THSD4: variants seen among roughly 807,000 people sequenced by gnomAD.
THSD4 encodes thrombospondin type-1 domain-containing protein 4.
THSD4 carries 69 observed loss-of-function variants against 119.0 expected under a neutral mutation model. The observed-to-expected ratio is 0.58, with a 90% CI of 0.48 to 0.71. The LOEUF is 0.71. THSD4 is among the 30% of genes least tolerant of loss of function. The pLI, the probability that THSD4 is intolerant of heterozygous loss-of-function variation, is 0.00. For synonymous variants in THSD4, 524 were observed against 540.4 expected (o/e 0.97, Z 0.42); for missense variants, 1,393 against 1,391.1 (o/e 1.00, Z -0.02).
intron 7 of THSD4, among the ~76,000 whole-genome samples, chr15:71,641,352 A>G (rs1041258345): frequency 6.6e-6 from 1 of 151,520 alleles, no homozygotes; most frequent in Non-Finnish European, 1.5e-5. Context: ...GAAGTTTCCA[A>G]TGTGGGGGCT....
intron 1 of THSD4, among the ~76,000 whole-genome samples, chr15:71,140,421 G>A (rs908536790): frequency 3.3e-5 from 5 of 152,074 alleles, no homozygotes; most frequent in Non-Finnish European, 7.4e-5. Flanking sequence ...CTAATAGAGT[G>A]AGAACTCACT....
At chr15:71,366,957 C>T (rs1337256315) in intron 6 of THSD4, among the ~76,000 whole-genome samples, 1 of 152,206 alleles carries the variant, frequency 6.6e-6, no homozygotes, top group Non-Finnish European at 1.5e-5. Flanking sequence ...AATGCCAGCA[C>T]AGCTCTCTCC....
At chr15:71,251,154 A>G (rs1211970520) in intron 5 of THSD4, among the ~76,000 whole-genome samples, 2 of 152,196 alleles carry the variant, frequency 1.3e-5, no homozygotes, top group Non-Finnish European at 2.9e-5. Flanking sequence ...AAAATGTGCA[A>G]GATAACTGGA....
intron 6 of THSD4, among the ~76,000 whole-genome samples, chr15:71,381,087 G>A (rs1315463339): frequency 2.0e-5 from 3 of 152,074 alleles, no homozygotes; most frequent in Admixed American, 6.6e-5. Flanking sequence ...AGCAAGCTTA[G>A]AATAGTCACC....
chr15:71,549,358 G>A (rs2048891462), intron 7 of THSD4, among the ~76,000 whole-genome samples: 1 of 152,052 alleles, frequency 6.6e-6, no homozygotes, highest in African/African-American at 2.4e-5. Flanking sequence ...GTGTGCATGT[G>A]TGTGCATGCG....
At chr15:71,675,554 G>A (rs72742771) in intron 8 of THSD4, among the ~76,000 whole-genome samples, 23,887 of 152,042 alleles carry the variant, frequency 0.16, 2,122 homozygotes, top group East Asian at 0.36. Context: ...AGCCCGTGTG[G>A]GGGTTCTGTG....
At chr15:71,498,859 C>CTTTTTTTTTT (rs56282942) in intron 7 of THSD4, among the ~76,000 whole-genome samples, 1 of 121,352 alleles carries the variant, frequency 8.2e-6, no homozygotes. Context: ...CCACATTGTA[C>CTTTTTTTTTT]TTTTTTTTTT....
Position 71,673,934 on chromosome 15 carries a change from T to C in THSD4, c.1357+13200T>C, listed in dbSNP as rs572481479. 7.4e-4 allele frequency among the ~76,000 whole-genome samples: 112 copies of C among 152,314 alleles called. No homozygotes were observed. The South Asian group carries it at 9.3e-3, about 13-fold the overall frequency. ...ACCACGGCTGGCCATATACTTTTCT[T>C]CTTAGACATCAAAAGCCTACCTGAT... On this transcript the variant is annotated intron_variant, in intron 8 of 17. Coordinates refer to ENST00000261862, the MANE Select transcript of THSD4 (RefSeq NM_024817.3).
chr15:71,292,922 C>A (rs1204191808), intron 6 of THSD4, among the ~76,000 whole-genome samples: 1 of 152,172 alleles, frequency 6.6e-6, no homozygotes, highest in African/African-American at 2.4e-5. Flanking sequence ...GTGATCCGCC[C>A]ATCTTGGCCT....
chr15:71,373,360 AAAGAC>A (rs2046085117), intron 6 of THSD4, among the ~76,000 whole-genome samples: 1 of 152,254 alleles, frequency 6.6e-6, no homozygotes, highest in African/African-American at 2.4e-5. Context: ...GAGTCTTTGA[AAAGAC>A]TGTTATTTCC....
At chr15:71,467,334 A>G (rs2047514940) in intron 7 of THSD4, among the ~76,000 whole-genome samples, 1 of 152,222 alleles carries the variant, frequency 6.6e-6, no homozygotes, top group Non-Finnish European at 1.5e-5. Flanking sequence ...TATTTAATAT[A>G]AGTTTTATGT....
chr15:71,285,718 G>C (rs1432597175), intron 6 of THSD4, among the ~76,000 whole-genome samples: 2 of 152,026 alleles, frequency 1.3e-5, no homozygotes, highest in Admixed American at 1.3e-4. Context: ...GCTGGGCGTA[G>C]TGGTGTGCAC....
At chr15:71,278,978 G>A (rs1371115126) in intron 6 of THSD4, among the ~76,000 whole-genome samples, 2 of 152,200 alleles carry the variant, frequency 1.3e-5, no homozygotes, top group African/African-American at 2.4e-5. Context: ...CTAAAGTCAT[G>A]CTCCAGCAAA....
At chr15:71,302,485 G>A (rs1240963807) in intron 6 of THSD4, among the ~76,000 whole-genome samples, 1 of 151,954 alleles carries the variant, frequency 6.6e-6, no homozygotes, top group Non-Finnish European at 1.5e-5. Flanking sequence ...CCCCATTTCT[G>A]CCTTGATGCA....
At chr15:71,422,435 G>C (rs1200965497) in intron 7 of THSD4, among the ~76,000 whole-genome samples, 3 of 152,226 alleles carry the variant, frequency 2.0e-5, no homozygotes. Context: ...GGCTCTTGCA[G>C]ACTCATAGAG....
At chr15:71,498,144 G>A (rs2048055590) in intron 7 of THSD4, among the ~76,000 whole-genome samples, 1 of 152,056 alleles carries the variant, frequency 6.6e-6, no homozygotes, top group Admixed American at 6.6e-5. Flanking sequence ...CACTGCTGTT[G>A]GATTATATTC....
intron 6 of THSD4, among the ~76,000 whole-genome samples, chr15:71,385,001 T>A (rs1470538006): frequency 6.6e-6 from 1 of 152,182 alleles, no homozygotes; most frequent in African/African-American, 2.4e-5. Flanking sequence ...CCCTGCAAAT[T>A]TCTGAAAGCT....
At chr15:71,236,872 G>A (rs2044109542) in intron 4 of THSD4, among the ~76,000 whole-genome samples, 1 of 152,212 alleles carries the variant, frequency 6.6e-6, no homozygotes, top group Non-Finnish European at 1.5e-5. Context: ...GTTCTTTGAA[G>A]GAGAGGGTTG....
intron 4 of THSD4, among the ~76,000 whole-genome samples, chr15:71,235,867 G>A (rs375011723): frequency 9.9e-5 from 15 of 151,992 alleles, no homozygotes; most frequent in African/African-American, 1.5e-4. Flanking sequence ...CTGGGATTAC[G>A]GGTGTGAGCC....
Sources: gnomAD v4.1 joint callset for allele counts (sites outside exome capture counted in the v4.1 genomes callset) on GRCh38, gnomAD v4.1.1 for gene constraint, MANE v1.5 for transcripts, NCBI Gene and HGNC (gene_info 2026-07-23, HGNC 2026-07-21) for gene names.